IL1RAPL2: variants seen among roughly 807,000 people sequenced by gnomAD.
The protein encoded by IL1RAPL2 is interleukin 1 receptor accessory protein like 2, also known as X-linked interleukin-1 receptor accessory protein-like 2.
In IL1RAPL2, 3 loss-of-function variants were observed where a neutral mutation model predicts 44.1. The observed-to-expected ratio is 0.07, with a 90% CI of 0.03 to 0.18. The LOEUF is 0.18. Ranked by LOEUF, IL1RAPL2 falls within the 10% of genes least tolerant of loss-of-function variation. IL1RAPL2 has a pLI of 1.00. For synonymous variants in IL1RAPL2, 181 were observed against 178.8 expected (o/e 1.01, Z -0.10); for missense variants, 391 against 496.4 (o/e 0.79, Z 2.02).
At chrX:105,473,368 C>T (rs974928343) in intron 5 of IL1RAPL2, among the ~76,000 whole-genome samples, 1 of 111,567 alleles carries the variant, frequency 9.0e-6, no homozygotes, top group African/African-American at 3.3e-5. Context: ...AGTGATAATG[C>T]CTTGTGATTT....
intron 2 of IL1RAPL2, among the ~76,000 whole-genome samples, chrX:104,861,655 G>A (rs1489586158): frequency 4.5e-5 from 5 of 110,448 alleles, no homozygotes; most frequent in African/African-American, 9.9e-5. Flanking sequence ...TGGTACCCTC[G>A]AGAGTACCAA....
intron 2 of IL1RAPL2, among the ~76,000 whole-genome samples, chrX:105,189,989 C>T (rs2033620427): frequency 8.9e-6 from 1 of 112,100 alleles, no homozygotes; most frequent in Admixed American, 9.5e-5. Context: ...CTGAATTCTG[C>T]CACTACAACT....
chrX:105,617,916 T>A (rs1403451974), intron 6 of IL1RAPL2, among the ~76,000 whole-genome samples: 1 of 111,624 alleles, frequency 9.0e-6, no homozygotes, highest in Non-Finnish European at 1.9e-5. Context: ...AAACACCTAC[T>A]TAGAGCATTA....
At chrX:105,509,351 G>A (rs754249448) in intron 6 of IL1RAPL2, among the ~76,000 whole-genome samples, 3 of 111,205 alleles carry the variant, frequency 2.7e-5, no homozygotes, top group East Asian at 2.9e-4. Context: ...GAGAAAGGTC[G>A]ACTTTCATTG....
At chrX:105,328,334 A>G (rs1383973683) in intron 5 of IL1RAPL2, among the ~76,000 whole-genome samples, 1 of 111,838 alleles carries the variant, frequency 8.9e-6, no homozygotes. Context: ...AAGTAAAATT[A>G]TGCTTTGCTT....
At chrX:104,665,908 A>G (rs1442848844) in intron 2 of IL1RAPL2, among the ~76,000 whole-genome samples, 1 of 111,654 alleles carries the variant, frequency 9.0e-6, no homozygotes. Context: ...TTTGTAGGCT[A>G]GATTCCTAGA....
intron 2 of IL1RAPL2, among the ~76,000 whole-genome samples, chrX:104,931,932 A>C (rs1924909090): frequency 1.9e-5 from 2 of 105,680 alleles, no homozygotes; most frequent in African/African-American, 6.9e-5. Flanking sequence ...ACTCACAGAT[A>C]TGTGGGAAAC....
chrX:105,050,105 C>T (rs1229014776), intron 2 of IL1RAPL2, among the ~76,000 whole-genome samples: 1 of 111,792 alleles, frequency 8.9e-6, no homozygotes. Context: ...TGCTTTGCTT[C>T]CCACAAAATA....
At chrX:104,592,403 G>A (rs1321781040) in intron 1 of IL1RAPL2, among the ~76,000 whole-genome samples, 2 of 110,281 alleles carry the variant, frequency 1.8e-5, no homozygotes, top group Admixed American at 9.8e-5. Context: ...CTCCAAGATC[G>A]TGGAGAAATT....
chrX:104,915,342 T>C (rs1483735410), intron 2 of IL1RAPL2, among the ~76,000 whole-genome samples: 4 of 110,785 alleles, frequency 3.6e-5, no homozygotes, highest in Admixed American at 9.6e-5. Context: ...TTTCATGTGT[T>C]TTTTGGCTGC....
At chrX:105,082,647 C>G (rs1429589230) in intron 2 of IL1RAPL2, among the ~76,000 whole-genome samples, 2 of 111,594 alleles carry the variant, frequency 1.8e-5, no homozygotes, top group Non-Finnish European at 3.8e-5. Flanking sequence ...TCTAGTGATA[C>G]CCAGGCAAAC....
chrX:105,379,905 T>C (rs1216618063), intron 5 of IL1RAPL2, among the ~76,000 whole-genome samples: 1 of 111,808 alleles, frequency 8.9e-6, no homozygotes, highest in Non-Finnish European at 1.9e-5. Flanking sequence ...TTTATTAGAA[T>C]CCAGTATTCT....
At chrX:104,760,215 C>G (rs1387814249) in intron 2 of IL1RAPL2, among the ~76,000 whole-genome samples, 1 of 112,085 alleles carries the variant, frequency 8.9e-6, no homozygotes, top group African/African-American at 3.2e-5. Flanking sequence ...CAAATATTAG[C>G]TATTGTAAAC....
intron 2 of IL1RAPL2, among the ~76,000 whole-genome samples, chrX:105,081,644 T>G (rs7877705): frequency 1.8e-5 from 2 of 111,833 alleles, no homozygotes; most frequent in South Asian, 7.4e-4. Context: ...TTGAGATACA[T>G]TCCATCAATA....
chrX:104,755,198 A>T (rs1293802597), intron 2 of IL1RAPL2, among the ~76,000 whole-genome samples: 1 of 110,969 alleles, frequency 9.0e-6, no homozygotes, highest in Non-Finnish European at 1.9e-5. Context: ...AGAGAGTATC[A>T]CAATAATCTC....
At chrX:104,768,226 AAT>A (rs1474341719) in intron 2 of IL1RAPL2, among the ~76,000 whole-genome samples, 1 of 111,601 alleles carries the variant, frequency 9.0e-6, no homozygotes, top group Non-Finnish European at 1.9e-5. Context: ...CTGGTTGTAC[AAT>A]ATATCTCTTG....
intron 2 of IL1RAPL2, among the ~76,000 whole-genome samples, chrX:105,133,919 G>A (rs974796154): frequency 1.8e-5 from 2 of 111,695 alleles, no homozygotes; most frequent in Non-Finnish European, 3.8e-5. Context: ...GGGGACACCC[G>A]TAGTCGGACC....
chrX:105,060,585 C>CTTTTTTTTTTTTTTTTTTTTTTT (rs1161187469), intron 2 of IL1RAPL2, among the ~76,000 whole-genome samples: 7 of 70,138 alleles, frequency 1.0e-4, no homozygotes, highest in African/African-American at 1.8e-4. Context: ...TTTTCTTTTT[C>CTTTTTTTTTTTTTTTTTTTTTTT]TTTTTTTTTT....
chrX:105,196,955 G>A (rs1399579800), intron 3 of IL1RAPL2, among the ~76,000 whole-genome samples: 1 of 111,599 alleles, frequency 9.0e-6, no homozygotes, highest in Non-Finnish European at 1.9e-5. Context: ...CCAAAGCTAT[G>A]TCACTTCCTC....
Sources: gnomAD v4.1 joint callset for allele counts (sites outside exome capture counted in the v4.1 genomes callset) on GRCh38, gnomAD v4.1.1 for gene constraint, MANE v1.5 for transcripts, NCBI Gene and HGNC (gene_info 2026-07-23, HGNC 2026-07-21) for gene names.